Variants in SAP130 observed in about 807,000 individuals in gnomAD.
SAP130 encodes histone deacetylase complex subunit SAP130.
A neutral mutation model predicts 103.2 loss-of-function variants in SAP130; 16 were observed. The observed-to-expected ratio is 0.16, with a 90% confidence interval of 0.10 to 0.24. The LOEUF (loss-of-function observed/expected upper bound fraction) is 0.24. Ranked by LOEUF, SAP130 falls within the 10% of genes least tolerant of loss-of-function variation. SAP130 has a pLI of 1.00. For missense variants in SAP130, 990 were observed against 1,359.7 expected, an observed-to-expected ratio of 0.73 and a Z score of 4.28; for synonymous variants, 477 against 497.0, an observed-to-expected ratio of 0.96 and a Z score of 0.53.
At chr2:128,018,904 T>C (rs1416642233) in intron 2 of SAP130, among the ~76,000 whole-genome samples, 1 of 152,044 alleles carries the variant, frequency 6.6e-6, no homozygotes, top group African/African-American at 2.4e-5. Context: ...CAGGCCAGCC[T>C]GACCAACGTG....
intron 16 of SAP130, 123 bp from the exon 17 acceptor site, chr2:127,950,531 C>T: frequency 8.7e-7 from 1 of 1,145,500 alleles, no homozygotes; most frequent in African/African-American, 1.5e-5. Context: ...TATTGTCTTC[C>T]TATGTGTCTG....
At position 128,027,992 on chromosome 2, in the gene SAP130, C is replaced by G; in HGVS notation, c.-59G>C. The G allele has an allele frequency of 1.0e-6, 1 of 985,836 alleles. No individual in the cohort carries two copies. The highest frequency in any genetic ancestry group is 1.2e-6 in the Non-Finnish European group (1 of 830,170). 61.1% of individuals were successfully genotyped at this position (985,836 alleles called of 1,614,324 possible). ...GCCGCCTTGAGCTCGCTCCCGCGCG[C>G]TCTCCGTCTGTGGGGCCGACGTCCC... On this transcript the variant is annotated 5_prime_UTR_variant, in exon 1 of 21. Coordinates refer to ENST00000643581, the MANE Select transcript of SAP130 (RefSeq NM_001330301.2).
chr2:128,010,287 G>T lies in SAP130; in HGVS notation c.851C>A (p.Ala284Asp). ...SPVITTTAAH[A>D]TDSALSRPTL... Reference sequence around the variant, plus strand: ...TGTATACCTAAGTGCTGAATCAGTAGCATGCGCCGCTGTCGTAGTGATGAC... The same window carrying T: ...TGTATACCTAAGTGCTGAATCAGTATCATGCGCCGCTGTCGTAGTGATGAC... The change falls in exon 7 of 21, where the codon GCT (alanine) becomes GAT (aspartate). Residue 284 changes from alanine (A) to aspartate (D), a missense_variant. By Grantham distance (126) the Ala-to-Asp change is moderately radical. Around this residue, in one of 6 missense-constraint regions of SAP130, gnomAD observed 336 missense variants for 520.1 expected, o/e 0.65. Transcript: ENST00000643581. The T allele has an allele frequency of 6.2e-7, 1 of 1,613,816 alleles. No individual in the cohort carries two copies. The highest frequency in any genetic ancestry group is 1.1e-5 in the South Asian group (1 of 91,072).
chr2:127,948,328 GT>G (rs71307269), intron 18 of SAP130, among the ~76,000 whole-genome samples: 1,221 of 101,540 alleles, frequency 0.012, 5 homozygotes, highest in African/African-American at 0.03. Flanking sequence ...TTTCCTGTGA[GT>G]TTTTTTTTTT....
intron 16 of SAP130, among the ~76,000 whole-genome samples, chr2:127,952,450 T>TA (rs57007168): frequency 2.4e-4 from 34 of 140,538 alleles, no homozygotes; most frequent in African/African-American, 7.2e-4. Context: ...AACTCCATCT[T>TA]AAAAAAAAAA....
At position 127,989,245 on chromosome 2, in the gene SAP130, C is replaced by T. The variant is rs1573754885; in HGVS notation, c.1780+319G>A. ...TCCCGAGTAGCTAGGACTACAGGCCCCCGCCACCACGCCTGGCTAATTTTT... is the reference window on the plus strand; with the variant it reads ...TCCCGAGTAGCTAGGACTACAGGCCTCCGCCACCACGCCTGGCTAATTTTT... On this transcript the variant is annotated intron_variant, in intron 13 of 20. Transcript: ENST00000643581. This position sits in a 1 kb window ranked among gnomAD's most constrained non-coding sequence, Gnocchi z 4.6. 6.6e-6 allele frequency among the ~76,000 whole-genome samples: 1 copy of T among 151,870 alleles called. No homozygotes were observed. Among genetic ancestry groups the T allele is most frequent in the South Asian group, 2.1e-4 (1 of 4,810 alleles).
intron 8 of SAP130, 50 bp downstream of exon 8, chr2:128,000,257 T>C: frequency 6.2e-7 from 1 of 1,612,602 alleles, no homozygotes; most frequent in Non-Finnish European, 8.5e-7. Context: ...TTGCCCACTT[T>C]TGGTTTTACC....
intron 2 of SAP130, among the ~76,000 whole-genome samples, chr2:128,020,826 G>A (rs1029963910): frequency 1.3e-5 from 2 of 151,876 alleles, no homozygotes; most frequent in Non-Finnish European, 2.9e-5. Flanking sequence ...GTGAAACCCC[G>A]TCTCCACAAA....
chr2:127,995,954 A>T lies in SAP130; in HGVS notation c.1355+396T>A, dbSNP rs541906146. ...ACTGGCCTCTCCACACTCTTTAAAA[A>T]TATCCATGAGTGAAAGAGAAGGGAG... is the stretch of plus-strand genomic sequence containing the variant. On this transcript the variant is annotated intron_variant, in intron 11 of 20. Coordinates refer to ENST00000643581, the MANE Select transcript of SAP130 (RefSeq NM_001330301.2). Among the ~76,000 whole-genome samples, 3 of 152,344 alleles carry T rather than the reference A, an allele frequency of 2.0e-5. No homozygotes were observed. In the East Asian group the frequency reaches 5.8e-4, roughly 29 times the overall value.
chr2:127,976,069 A>C (rs553594213), intron 15 of SAP130, among the ~76,000 whole-genome samples: 5 of 152,130 alleles, frequency 3.3e-5, no homozygotes, highest in Non-Finnish European at 5.9e-5. Context: ...GATGGTCTCT[A>C]TCTCCTGACC....
At chr2:127,974,535 C>T (rs114555865) in intron 15 of SAP130, among the ~76,000 whole-genome samples, 5,323 of 152,204 alleles carry the variant, frequency 0.035, 293 homozygotes, top group African/African-American at 0.12. Context: ...AATTTCTGGC[C>T]GGGCGCGGTG....
intron 18 of SAP130, among the ~76,000 whole-genome samples, chr2:127,945,958 A>G (rs1456489351): frequency 6.6e-6 from 1 of 152,126 alleles, no homozygotes; most frequent in Non-Finnish European, 1.5e-5. Flanking sequence ...TGGCCATAAG[A>G]ACTTTTTTAT....
chr2:127,947,764 C>CTGAGTGTGTG (rs1679195232), intron 18 of SAP130, among the ~76,000 whole-genome samples: 3 of 143,312 alleles, frequency 2.1e-5, no homozygotes, highest in African/African-American at 7.9e-5. Flanking sequence ...TTGTGTGTGT[C>CTGAGTGTGTG]TGTGTGTGTG....
At chr2:128,003,527 G>T (rs970508886) in intron 7 of SAP130, among the ~76,000 whole-genome samples, 4 of 150,654 alleles carry the variant, frequency 2.7e-5, no homozygotes, top group Admixed American at 6.6e-5. Flanking sequence ...TGAGTACCTG[G>T]GACTACAGGT....
chr2:127,944,836 T>C (rs1006176252), intron 19 of SAP130, among the ~76,000 whole-genome samples: 4 of 143,674 alleles, frequency 2.8e-5, no homozygotes, highest in African/African-American at 7.9e-5. Flanking sequence ...AGGTTGATCA[T>C]GGCTGTAGTA....
chr2:128,008,848 GCTA>G (rs2105151246), intron 7 of SAP130, among the ~76,000 whole-genome samples: 1 of 151,750 alleles, frequency 6.6e-6, no homozygotes, highest in African/African-American at 2.4e-5. Flanking sequence ...ACCATGCCTG[GCTA>G]CTTTTTTATT....
intron 7 of SAP130, among the ~76,000 whole-genome samples, chr2:128,004,822 C>T (rs544766012): frequency 6.6e-6 from 1 of 152,076 alleles, no homozygotes; most frequent in South Asian, 2.1e-4. Context: ...TAATGGCCAA[C>T]AAAATTCAAA....
rs1034934642 is a variant in SAP130 at position 127,942,443 on chromosome 2, C to T, written c.2996G>A (p.Arg999Gln). 30 of 1,612,458 alleles carry T rather than the reference C, an allele frequency of 1.9e-5. No individual in the cohort carries two copies. The highest frequency in any genetic ancestry group is 2.4e-5 in the Non-Finnish European group (28 of 1,178,632). ...TCAAACCTGTATCAGTTCGTTTATT[C>T]GGTGGAGATCATCATCTGTTGCTGC... is the stretch of plus-strand genomic sequence containing the variant. ...KKAATDDDLH[R>Q]INELIQGNMQ... The change falls in exon 20 of 21, where the codon CGA becomes CAA. Residue 999 changes from arginine to glutamine, a missense_variant. Transcript: ENST00000643581. This position sits in a 1 kb window ranked among gnomAD's most constrained non-coding sequence, Gnocchi z 4.8.
intron 8 of SAP130, 68 bp downstream of exon 8, chr2:128,000,239 A>T: frequency 1.2e-6 from 2 of 1,609,422 alleles, no homozygotes; most frequent in Non-Finnish European, 1.7e-6. Flanking sequence ...CCAGGCCCTC[A>T]GCACATTTTG....
Sources: allele counts gnomAD v4.1 joint callset (sites outside exome capture counted in the v4.1 genomes callset), GRCh38; gene constraint gnomAD v4.1.1; regional missense constraint gnomAD v4.1.1; non-coding constraint Gnocchi (gnomAD v3.1); transcripts MANE v1.5; gene names NCBI Gene and HGNC (gene_info 2026-07-23, HGNC 2026-07-21).